The following CDH26 variants were observed in gnomAD, a reference collection of about 807,000 sequenced individuals.
CDH26 encodes the protein cadherin 26.
In CDH26, 83 loss-of-function variants were observed where a neutral mutation model predicts 90.3. The observed-to-expected ratio is 0.92, with a 90% CI of 0.77 to 1.10. The LOEUF is 1.10. Ranked by LOEUF, CDH26 falls within the 50% of genes least tolerant of loss-of-function variation. CDH26 has a pLI of 0.00. For synonymous variants in CDH26, 397 were observed against 396.3 expected (o/e 1.00, Z -0.02); for missense variants, 1,013 against 1,037.6 (o/e 0.98, Z 0.33).
In CDH26 at chr20:59,989,103, G is replaced by T; in HGVS notation, c.1223G>T (p.Gly408Val). Residue 408 changes from glycine to valine, a missense_variant, in exon 9 of 18, where the codon GGC (glycine) becomes GTC (valine). Coordinates refer to ENST00000348616, the MANE Select transcript of CDH26 (RefSeq NM_177980.4). ...PQSFIVNKEE[G>V]ARPGTLLGTF... is the part of the protein sequence containing the mutation. ...AGCTTCATTGTCAATAAAGAGGAGG[G>T]CGCCAGGCCTGGGACCCTGTTGGGA... The T allele has an allele frequency of 6.2e-7, 1 of 1,614,198 alleles. No individual in the cohort carries two copies. The highest frequency in any genetic ancestry group is 2.2e-5 in the East Asian group (1 of 44,874).
chr20:60,027,713 A>C (rs1044386658), intron 7 of CDH26, among the ~76,000 whole-genome samples: 3 of 152,216 alleles, frequency 2.0e-5, no homozygotes, highest in Non-Finnish European at 4.4e-5. Context: ...TGCAGTGATG[A>C]AAATGGTCGG....
At chr20:59,972,202 G>C in intron 4 of CDH26, 79 bp downstream of exon 4, 2 of 1,367,546 alleles carry the variant, frequency 1.5e-6, no homozygotes, top group South Asian at 1.3e-5. Flanking sequence ...CATTATTTAA[G>C]CTGACTATGT....
Position 59,999,795 on chromosome 20 carries a change from G to GC in CDH26, c.2097+136dup, listed in dbSNP as rs2061651622. The GC allele has an allele frequency of 4.2e-6, 3 of 710,804 alleles. No homozygotes were observed. In the East Asian group the frequency reaches 8.1e-5, roughly 19 times the overall value. The allele number at this position is 710,804 out of a possible 1,614,324, so 44.0% of individuals were successfully genotyped here. On this transcript the variant is annotated intron_variant, in intron 14 of 17. Transcript: ENST00000348616. ...GTTCTTCTTCAAGTCAGCAACCCCA[G>GC]CCCCTACTTGCAAAGCCCCATGGTT...
chr20:59,962,488 G>C (rs1213087296), intron 1 of CDH26, among the ~76,000 whole-genome samples: 1 of 152,112 alleles, frequency 6.6e-6, no homozygotes, highest in Non-Finnish European at 1.5e-5. Flanking sequence ...GTCATGACAT[G>C]GCATCATCCC....
chr20:59,958,693 C>T lies in CDH26; in HGVS notation c.-34C>T. 1 of 1,608,660 alleles carries T rather than the reference C, an allele frequency of 6.2e-7. No individual in the cohort carries two copies. Among genetic ancestry groups the T allele is most frequent in the Non-Finnish European group, 8.5e-7 (1 of 1,175,184 alleles). ...ACCAGCTTGGAGGACTGGTCATCAGCTGCACGTTCTGGGTCTGTCTTGGGT... is the reference window on the plus strand; with the variant it reads ...ACCAGCTTGGAGGACTGGTCATCAGTTGCACGTTCTGGGTCTGTCTTGGGT... On this transcript the variant is annotated 5_prime_UTR_variant, in exon 1 of 18. Transcript: ENST00000348616.
chr20:59,966,837 C>G (rs941224116), intron 1 of CDH26, among the ~76,000 whole-genome samples: 2 of 152,070 alleles, frequency 1.3e-5, no homozygotes, highest in Admixed American at 6.6e-5. Context: ...AAAACTGGAA[C>G]CAACCTAAAT....
intron 1 of CDH26, among the ~76,000 whole-genome samples, chr20:59,967,488 T>A (rs2061164608): frequency 1.3e-5 from 2 of 152,228 alleles, no homozygotes; most frequent in South Asian, 4.1e-4. Flanking sequence ...CCAATCTTAG[T>A]TCCTGAAATT....
At chr20:59,960,820 G>T (rs750917853) in intron 1 of CDH26, among the ~76,000 whole-genome samples, 1 of 152,198 alleles carries the variant, frequency 6.6e-6, no homozygotes, top group East Asian at 1.9e-4. Context: ...TCTACTATTA[G>T]GTTCACAGTT....
Position 59,970,080 on chromosome 20 carries a change from A to G in CDH26, c.127-2A>G. 1 of 1,611,552 alleles carries G rather than the reference A, an allele frequency of 6.2e-7. No individual in the cohort carries two copies. Among genetic ancestry groups the G allele is most frequent in the Non-Finnish European group, 8.5e-7 (1 of 1,178,846 alleles). ...TGTCACCAGTGTCACTATAAGTTCC[A>G]GGAAAAGATCTACCAGCCTCTACGG... is the stretch of plus-strand genomic sequence containing the variant. On this transcript the variant is annotated splice_acceptor_variant, in intron 2 of 17. Coordinates refer to ENST00000348616, the MANE Select transcript of CDH26 (RefSeq NM_177980.4). LOFTEE classifies it high-confidence loss of function.
chr20:59,960,071 C>T (rs970274107), intron 1 of CDH26, among the ~76,000 whole-genome samples: 3 of 152,202 alleles, frequency 2.0e-5, no homozygotes, highest in Non-Finnish European at 4.4e-5. Context: ...CTGACCTAGG[C>T]TCCTTCACAG....
chr20:59,989,063 G>C lies in CDH26; in HGVS notation c.1183G>C (p.Ala395Pro), dbSNP rs771945756. 1.2e-6 allele frequency: 2 copies of C among 1,614,082 alleles called. No homozygotes were observed. The highest frequency in any genetic ancestry group is 2.7e-5 in the African/African-American group (2 of 74,920). The change falls in exon 9 of 18, where the codon GCC becomes CCC. Residue 395 changes from alanine to proline, a missense_variant. By Grantham distance (27) the Ala-to-Pro change is conservative. Coordinates refer to ENST00000348616, the MANE Select transcript of CDH26 (RefSeq NM_177980.4). ...GGTGACAGACGCCAACGACCCACCA[G>C]CCTTTCACCCCCAGAGCTTCATTGT... ...VQVTDANDPP[A>P]FHPQSFIVNK...
chr20:60,035,706 A>C (rs1217926541), downstream of CDH26, among the ~76,000 whole-genome samples: 1 of 152,006 alleles, frequency 6.6e-6, no homozygotes, highest in Non-Finnish European at 1.5e-5. Context: ...AGGTGATTGG[A>C]TCACGGGGGG....
chr20:60,004,463 G>A (rs1157115060), intron 16 of CDH26, among the ~76,000 whole-genome samples: 1 of 152,082 alleles, frequency 6.6e-6, no homozygotes, highest in Admixed American at 6.5e-5. Context: ...ACACAATGGT[G>A]TTTGTGTATC....
intron 7 of CDH26, among the ~76,000 whole-genome samples, chr20:59,985,630 T>A (rs1194821854): frequency 6.6e-6 from 1 of 152,122 alleles, no homozygotes; most frequent in African/African-American, 2.4e-5. Flanking sequence ...CATTTCAGCA[T>A]GAGATTTGGG....
chr20:59,994,609 G>A, intron 11 of CDH26, 120 bp downstream of exon 11: 1 of 1,286,182 alleles, frequency 7.8e-7, no homozygotes, highest in South Asian at 1.5e-5. Context: ...CGTTCTGGCA[G>A]AGCTGGCTCT....
chr20:60,001,500 C>T (rs562290062), intron 15 of CDH26, 89 bp downstream of exon 15: 15 of 1,529,434 alleles, frequency 9.8e-6, no homozygotes, highest in South Asian at 6.1e-5. Flanking sequence ...GTAGAAGATT[C>T]GGTGATACTG....
Position 59,971,962 on chromosome 20 carries a change from C to G in CDH26, c.232C>G (p.Leu78Val). 1 of 1,610,494 alleles carries G rather than the reference C, an allele frequency of 6.2e-7. No homozygotes were observed. Among genetic ancestry groups the G allele is most frequent in the Non-Finnish European group, 8.5e-7 (1 of 1,177,800 alleles). The change falls in exon 4 of 18, where the codon CTG becomes GTG. Residue 78 changes from leucine to valine, a missense_variant and splice_region_variant. By Grantham distance (32) the Leu-to-Val change is conservative. Transcript: ENST00000348616. ...PGPFPKLIGE[L>V]FNNMSYNMSL... Reference sequence around the variant, plus strand: ...TTCTTTCCATTTTTCCTCCTTCCAGCTGTTCAATAATATGTCTTATAACAT... The same window carrying G: ...TTCTTTCCATTTTTCCTCCTTCCAGGTGTTCAATAATATGTCTTATAACAT...
chr20:59,997,090 C>T (rs1643522824), intron 13 of CDH26, among the ~76,000 whole-genome samples: 1 of 152,222 alleles, frequency 6.6e-6, no homozygotes, highest in Non-Finnish European at 1.5e-5. Context: ...CTACAACGCA[C>T]AAGACAGCCT....
Position 59,999,627 on chromosome 20 carries a change from C to G in CDH26, c.2061C>G (p.Ile687Met). ...DVEGQRPALL[I>M]CTAAAGPTQG... is the part of the protein sequence containing the mutation. Reference sequence around the variant, plus strand: ...AAGGCCAGAGGCCGGCTCTGCTCATCTGCACAGCTGCAGCAGGACCCACGC... The same window carrying G: ...AAGGCCAGAGGCCGGCTCTGCTCATGTGCACAGCTGCAGCAGGACCCACGC... Residue 687 changes from isoleucine (I) to methionine (M), a missense_variant, in exon 14 of 18, where the codon ATC becomes ATG. Coordinates refer to ENST00000348616, the MANE Select transcript of CDH26 (RefSeq NM_177980.4). 1 of 1,614,186 alleles carries G rather than the reference C, an allele frequency of 6.2e-7. No homozygotes were observed. Among genetic ancestry groups the G allele is most frequent in the South Asian group, 1.1e-5 (1 of 91,076 alleles).
Sources: allele counts gnomAD v4.1 joint callset (sites outside exome capture counted in the v4.1 genomes callset), GRCh38; gene constraint gnomAD v4.1.1; transcripts MANE v1.5; gene names NCBI Gene and HGNC (gene_info 2026-07-23, HGNC 2026-07-21).